SPIRE1: variants seen among roughly 807,000 people sequenced by gnomAD.
The protein encoded by SPIRE1 is spire type actin nucleation factor 1, also known as protein spire homolog 1.
Under a neutral mutation model 94.1 loss-of-function variants are expected in SPIRE1, and 40 were observed. That is an observed-to-expected ratio of 0.43 (90% CI 0.33 to 0.55). The LOEUF is 0.55. Ranked by LOEUF, SPIRE1 falls within the 20% of genes least tolerant of loss-of-function variation. The pLI is 0.06. For missense variants in SPIRE1, 838 were observed against 975.2 expected, an observed-to-expected ratio of 0.86 and a Z score of 1.87; for synonymous variants, 376 against 371.7, an observed-to-expected ratio of 1.01 and a Z score of -0.13.
At position 12,605,628 on chromosome 18, in the gene SPIRE1, G is replaced by A. The variant is rs984020342; in HGVS notation, c.372+29434C>T. Among the ~76,000 whole-genome samples, 8 of 152,168 alleles carry A rather than the reference G, an allele frequency of 5.3e-5. No individual in the cohort carries two copies. In the South Asian group the frequency reaches 6.2e-4, roughly 12 times the overall value. ...AGCAATAAGAGAAAATCTCAGAAAC[G>A]TGGTTTTAAAAAAATTACCACATGC... is the stretch of plus-strand genomic sequence containing the variant. On this transcript the variant is annotated intron_variant, in intron 2 of 16. Coordinates refer to ENST00000409402, the MANE Select transcript of SPIRE1 (RefSeq NM_001128626.2).
At position 12,657,542 on chromosome 18, in the gene SPIRE1, G is replaced by A; in HGVS notation, c.325C>T (p.Pro109Ser). 2 of 1,233,794 alleles carry A rather than the reference G, an allele frequency of 1.6e-6. No individual in the cohort carries two copies. The highest frequency in any genetic ancestry group is 2.6e-4 in the Middle Eastern group (1 of 3,918). The allele number at this position is 1,233,794 out of a possible 1,614,324, so 76.4% of individuals were successfully genotyped here. A position where few individuals can be genotyped will look rare whatever the true frequency, so the allele number is the denominator to read the frequency against. Residue 109 changes from proline (P) to serine (S), a missense_variant, in exon 1 of 17, where the codon CCC (proline) becomes TCC (serine). Pro to Ser is a moderately conservative substitution (Grantham distance 74). This residue lies in a region of SPIRE1 where 193 missense variants were observed against 170.5 expected (regional missense o/e 1.13). Transcript: ENST00000409402. ...APAADDAGEPPPVAGKLGYSQ... is the reference protein window; with the variant it reads ...APAADDAGEPSPVAGKLGYSQ... ...CCGGCGGCCTCACCCGCAACTGGGGGCGGCTCTCCCGCGTCGTCGGCCGCG... is the reference window on the plus strand; with the variant it reads ...CCGGCGGCCTCACCCGCAACTGGGGACGGCTCTCCCGCGTCGTCGGCCGCG...
upstream of SPIRE1, chr18:12,658,617 G>A: frequency 4.3e-6 from 2 of 470,496 alleles, no homozygotes; most frequent in Non-Finnish European, 8.8e-6. Flanking sequence ...GAACCCGCCT[G>A]GAGCGGATGC....
intron 3 of SPIRE1, among the ~76,000 whole-genome samples, chr18:12,539,986 A>G (rs2034966396): frequency 6.6e-6 from 1 of 151,678 alleles, no homozygotes; most frequent in African/African-American, 2.4e-5. Context: ...GAGGTAGAAA[A>G]TGAGGCCAGT....
At chr18:12,547,356 T>C (rs1197307845) in intron 2 of SPIRE1, among the ~76,000 whole-genome samples, 6 of 152,236 alleles carry the variant, frequency 3.9e-5, no homozygotes, top group Non-Finnish European at 8.8e-5. Flanking sequence ...TCTCAGACGA[T>C]GCAAACAAAT....
Position 12,483,134 on chromosome 18 carries a change from C to A in SPIRE1, c.1231+2825G>T, listed in dbSNP as rs192769115. On this transcript the variant is annotated intron_variant, in intron 9 of 16. Transcript: ENST00000409402. ...TTTTTGGTATTTTTTTGTGTGTGTG[C>A]GTAGGAGACAGGGTTTTGCCATGTT... Among the ~76,000 whole-genome samples the A allele has an allele frequency of 3.6e-3, 549 of 151,766 alleles. 6 individuals are homozygous for A. Among genetic ancestry groups the A allele is most frequent in the African/African-American group, 0.012 (489 of 41,400 alleles).
chr18:12,618,662 T>C (rs2037378610), intron 2 of SPIRE1, among the ~76,000 whole-genome samples: 1 of 152,176 alleles, frequency 6.6e-6, no homozygotes, highest in South Asian at 2.1e-4. Flanking sequence ...TCAGTTACAA[T>C]GGGCCAAACC....
chr18:12,575,695 A>G lies in SPIRE1; in HGVS notation c.373-28791T>C, dbSNP rs75610439. Among the ~76,000 whole-genome samples, 196 of 152,340 alleles carry G rather than the reference A, an allele frequency of 1.3e-3. 3 individuals are homozygous for G. The East Asian group carries it at 0.031, about 24-fold the overall frequency. On this transcript the variant is annotated intron_variant, in intron 2 of 16. Transcript: ENST00000409402. ...AAGCATATGTATTTGCATCTGCATA[A>G]GAGTTACTCCTGCTTACAAAAACTT...
At chr18:12,536,622 C>T (rs2034850774) in intron 3 of SPIRE1, among the ~76,000 whole-genome samples, 1 of 152,166 alleles carries the variant, frequency 6.6e-6, no homozygotes, top group African/African-American at 2.4e-5. Flanking sequence ...GCCACAGGTG[C>T]TGCCTACAGC....
chr18:12,529,473 C>T (rs1381086176), intron 4 of SPIRE1, among the ~76,000 whole-genome samples: 2 of 151,824 alleles, frequency 1.3e-5, no homozygotes, highest in Non-Finnish European at 2.9e-5. Context: ...GTGAAAAAAT[C>T]ATACTTGAAA....
chr18:12,650,771 C>T (rs545382530), intron 1 of SPIRE1, among the ~76,000 whole-genome samples: 36 of 148,492 alleles, frequency 2.4e-4, no homozygotes, highest in African/African-American at 8.2e-4. Context: ...CCCAGCTACT[C>T]GGGAGGCTGA....
At chr18:12,467,726 C>T (rs533351560) in intron 10 of SPIRE1, among the ~76,000 whole-genome samples, 34 of 152,220 alleles carry the variant, frequency 2.2e-4, no homozygotes, top group Non-Finnish European at 4.1e-4. Flanking sequence ...CTGAGGTGGG[C>T]GGATCACGAG....
At chr18:12,497,740 TA>T (rs1377623108) in intron 6 of SPIRE1, among the ~76,000 whole-genome samples, 2 of 152,054 alleles carry the variant, frequency 1.3e-5, no homozygotes, top group Non-Finnish European at 2.9e-5. Flanking sequence ...TTATGTAGAT[TA>T]AAAAAAACCT....
rs1402269279 is a variant in SPIRE1, at chr18:12,525,293, A to AT, written c.729+10182_729+10183insA. On this transcript the variant is annotated intron_variant, in intron 4 of 16. Transcript: ENST00000409402. Reference sequence around the variant, plus strand: ...CTCCGTCTCAAAAAAAAAAAAAAAAAAAAAATAATAATAATAATAATAATA... The same window carrying AT: ...CTCCGTCTCAAAAAAAAAAAAAAAAATAAAAATAATAATAATAATAATAATA... 1.9e-3 allele frequency among the ~76,000 whole-genome samples: 271 copies of AT among 144,088 alleles called. 2 individuals carry two copies. The highest frequency in any genetic ancestry group is 7.2e-3 in the East Asian group (36 of 4,980). The allele number at this position is 144,088 out of a possible 152,430, so 94.5% of individuals were successfully genotyped here.
At chr18:12,478,961 ATCCTAAGTATG>A (rs966623978) in intron 10 of SPIRE1, among the ~76,000 whole-genome samples, 9 of 151,844 alleles carry the variant, frequency 5.9e-5, no homozygotes, top group African/African-American at 1.9e-4. Flanking sequence ...AAAAAGAACA[ATCCTAAGTATG>A]AGTGTGTGTA....
intron 2 of SPIRE1, among the ~76,000 whole-genome samples, chr18:12,573,396 G>T (rs1369287175): frequency 6.6e-6 from 1 of 152,072 alleles, no homozygotes; most frequent in Non-Finnish European, 1.5e-5. Context: ...CAACCACTTT[G>T]GGGGACAATT....
chr18:12,553,274 T>C (rs2035409318), intron 2 of SPIRE1, among the ~76,000 whole-genome samples: 1 of 152,210 alleles, frequency 6.6e-6, no homozygotes, highest in South Asian at 2.1e-4. Flanking sequence ...AGTAGGCTCT[T>C]GGGGCTCCCA....
At chr18:12,595,955 A>C (rs1431439274) in intron 2 of SPIRE1, among the ~76,000 whole-genome samples, 2 of 152,220 alleles carry the variant, frequency 1.3e-5, no homozygotes, top group Non-Finnish European at 1.5e-5. Context: ...ATTGGAAGAG[A>C]CACTACACTA....
At chr18:12,617,812 TC>T (rs1221640386) in intron 2 of SPIRE1, among the ~76,000 whole-genome samples, 1 of 152,134 alleles carries the variant, frequency 6.6e-6, no homozygotes, top group East Asian at 1.9e-4. Context: ...AGCCTCAGCC[TC>T]CCAAAGTGCT....
At chr18:12,548,604 C>CTTTTTTTTT (rs59811774) in intron 2 of SPIRE1, among the ~76,000 whole-genome samples, 3 of 144,260 alleles carry the variant, frequency 2.1e-5, no homozygotes, top group African/African-American at 2.5e-5. Context: ...TCTTTTCTTT[C>CTTTTTTTTT]TTTTTTTTTT....
Sources: gnomAD v4.1 joint callset for allele counts (sites outside exome capture counted in the v4.1 genomes callset) on GRCh38, gnomAD v4.1.1 for gene constraint, gnomAD v4.1.1 regional missense constraint, MANE v1.5 for transcripts, NCBI Gene and HGNC (gene_info 2026-07-23, HGNC 2026-07-21) for gene names.